The following SGCZ variants were observed in gnomAD, a reference collection of about 807,000 sequenced individuals.
SGCZ encodes the protein sarcoglycan zeta.
SGCZ carries 40 observed loss-of-function variants against 41.3 expected under a neutral mutation model. The ratio of observed to expected loss-of-function variants is 0.97; its 90% CI spans 0.75 to 1.26. The LOEUF is 1.26. Ranked by LOEUF, SGCZ falls within the 50% of genes most tolerant of loss-of-function variation. The pLI is 0.00. For missense variants in SGCZ, 552 were observed against 369.8 expected (o/e 1.49, Z -4.04); for synonymous variants, 206 against 137.5 (o/e 1.50, Z -3.49).
chr8:14,589,462 T>C (rs979517293), intron 1 of SGCZ, among the ~76,000 whole-genome samples: 1 of 151,882 alleles, frequency 6.6e-6, no homozygotes, highest in Non-Finnish European at 1.5e-5. Flanking sequence ...GAAAAAAACA[T>C]GTATTAGATT....
chr8:14,762,370 G>A (rs1013084915), intron 1 of SGCZ, among the ~76,000 whole-genome samples: 1 of 124,942 alleles, frequency 8.0e-6, no homozygotes, highest in Non-Finnish European at 1.8e-5. Flanking sequence ...CTTACTAGTA[G>A]TGTACTTTGG....
At chr8:14,779,025 C>T (rs190284866) in intron 1 of SGCZ, among the ~76,000 whole-genome samples, 1 of 152,266 alleles carries the variant, frequency 6.6e-6, no homozygotes, top group East Asian at 1.9e-4. Context: ...ACAATACTAT[C>T]CACACCAGTA....
At chr8:15,202,367 G>A (rs1410648537) in intron 1 of SGCZ, among the ~76,000 whole-genome samples, 1 of 152,190 alleles carries the variant, frequency 6.6e-6, no homozygotes, top group Non-Finnish European at 1.5e-5. Flanking sequence ...GACAAATTGA[G>A]AGACCATTAT....
At chr8:14,103,277 G>T (rs1338668211) in intron 6 of SGCZ, among the ~76,000 whole-genome samples, 1 of 103,830 alleles carries the variant, frequency 9.6e-6, no homozygotes, top group Admixed American at 9.6e-5. Context: ...TAGAGAAAAA[G>T]CAAAAATGAC....
At chr8:14,188,326 A>G (rs959015501) in intron 4 of SGCZ, among the ~76,000 whole-genome samples, 2 of 152,204 alleles carry the variant, frequency 1.3e-5, no homozygotes, top group Non-Finnish European at 2.9e-5. Flanking sequence ...TGTGATTTAA[A>G]AGGCAAATGG....
At chr8:14,171,460 G>A (rs1804378902) in intron 4 of SGCZ, among the ~76,000 whole-genome samples, 2 of 151,918 alleles carry the variant, frequency 1.3e-5, no homozygotes, top group South Asian at 4.1e-4. Flanking sequence ...ATCTGCAGAT[G>A]TATTCAACTG....
intron 1 of SGCZ, among the ~76,000 whole-genome samples, chr8:14,685,665 T>C (rs924106535): frequency 6.6e-6 from 1 of 152,142 alleles, no homozygotes; most frequent in African/African-American, 2.4e-5. Flanking sequence ...GTATTATTCA[T>C]TTCCATATCT....
chr8:14,784,515 T>G (rs142452581), intron 1 of SGCZ, among the ~76,000 whole-genome samples: 73 of 152,098 alleles, frequency 4.8e-4, no homozygotes, highest in African/African-American at 1.7e-3. Context: ...GGTCTCTGAG[T>G]GATGAACTGG....
chr8:14,767,740 C>A (rs2130380412), intron 1 of SGCZ, among the ~76,000 whole-genome samples: 1 of 152,268 alleles, frequency 6.6e-6, no homozygotes, highest in South Asian at 2.1e-4. Flanking sequence ...TGACTTACTA[C>A]CATAGGCTAT....
intron 1 of SGCZ, among the ~76,000 whole-genome samples, chr8:15,194,063 A>G (rs1800631799): frequency 6.6e-6 from 1 of 152,162 alleles, no homozygotes. Flanking sequence ...ATTTTTTCTT[A>G]ATAGAGTTTA....
chr8:14,099,399 C>G (rs556624848), intron 7 of SGCZ, among the ~76,000 whole-genome samples: 5 of 152,248 alleles, frequency 3.3e-5, no homozygotes, highest in East Asian at 3.9e-4. Flanking sequence ...CCTTCTGTCA[C>G]CTGTTGAAAT....
At chr8:14,323,957 T>A in intron 3 of SGCZ, 146 bp downstream of exon 3, 1 of 565,714 alleles carries the variant, frequency 1.8e-6, no homozygotes, top group Non-Finnish European at 3.1e-6. Flanking sequence ...TCAATGATGT[T>A]ATCATTTTGA....
chr8:14,929,477 T>C (rs1799864673), intron 1 of SGCZ, among the ~76,000 whole-genome samples: 2 of 150,822 alleles, frequency 1.3e-5, no homozygotes, highest in African/African-American at 5.0e-5. Context: ...GGGAAATAAA[T>C]GTCCTATAGA....
intron 1 of SGCZ, among the ~76,000 whole-genome samples, chr8:14,776,176 T>G (rs1800395192): frequency 6.6e-6 from 1 of 152,178 alleles, no homozygotes; most frequent in Non-Finnish European, 1.5e-5. Context: ...AGTTTGCTCT[T>G]TGATATGGTT....
intron 2 of SGCZ, among the ~76,000 whole-genome samples, chr8:14,451,150 G>A (rs548001775): frequency 4.2e-4 from 64 of 152,180 alleles, no homozygotes; most frequent in African/African-American, 1.4e-3. Context: ...AAGTATTCAG[G>A]GATATATAAA....
chr8:15,088,827 C>T (rs1278695470), intron 1 of SGCZ, among the ~76,000 whole-genome samples: 1 of 152,066 alleles, frequency 6.6e-6, no homozygotes, highest in African/African-American at 2.4e-5. Flanking sequence ...TAAATAGGCC[C>T]AACTCACATG....
chr8:14,553,470 G>C (rs1055870388), intron 2 of SGCZ, among the ~76,000 whole-genome samples: 1 of 151,940 alleles, frequency 6.6e-6, no homozygotes, highest in African/African-American at 2.4e-5. Flanking sequence ...TTTGCCTTCA[G>C]TTTCTTATTT....
chr8:14,845,217 T>C (rs1339727255), intron 1 of SGCZ, among the ~76,000 whole-genome samples: 1 of 152,178 alleles, frequency 6.6e-6, no homozygotes, highest in Non-Finnish European at 1.5e-5. Context: ...GAAAAACTTA[T>C]GACTCATGGG....
chr8:14,378,260 T>G lies in SGCZ; in HGVS notation c.235-54056A>C, dbSNP rs563730881. 1.1e-4 allele frequency among the ~76,000 whole-genome samples: 17 copies of G among 151,956 alleles called. No homozygotes were observed. In the South Asian group the frequency reaches 2.9e-3, roughly 26 times the overall value. ...GATGGTATCTCATTGTGGTTTTGAT[T>G]TGCATTTCTCTGATGGCCAGTGATG... is the stretch of plus-strand genomic sequence containing the variant. On this transcript the variant is annotated intron_variant, in intron 2 of 7. Coordinates refer to ENST00000382080, the MANE Select transcript of SGCZ (RefSeq NM_139167.4).
Sources: gnomAD v4.1 joint callset for allele counts (sites outside exome capture counted in the v4.1 genomes callset) on GRCh38, gnomAD v4.1.1 for gene constraint, MANE v1.5 for transcripts, NCBI Gene and HGNC (gene_info 2026-07-23, HGNC 2026-07-21) for gene names.